Variants in MRPL1 observed in about 807,000 individuals in gnomAD.
The protein encoded by MRPL1 is large ribosomal subunit protein uL1m.
In MRPL1, 28 loss-of-function variants were observed where a neutral mutation model predicts 38.0. The observed-to-expected ratio is 0.74, with a 90% CI of 0.55 to 1.01. The LOEUF is 1.01. Ranked by LOEUF, MRPL1 falls within the 50% of genes least tolerant of loss-of-function variation. The pLI is 0.00. For synonymous variants in MRPL1, 123 were observed against 126.7 expected (o/e 0.97, Z 0.20); for missense variants, 358 against 389.8 (o/e 0.92, Z 0.69).
intron 8 of MRPL1, among the ~76,000 whole-genome samples, chr4:77,951,319 G>A (rs1010075323): frequency 8.5e-5 from 13 of 152,196 alleles, no homozygotes; most frequent in African/African-American, 2.7e-4. Context: ...TCCATCAAAT[G>A]TAAATATCAC....
chr4:77,912,736 A>G (rs1736318472), intron 7 of MRPL1, among the ~76,000 whole-genome samples: 1 of 152,174 alleles, frequency 6.6e-6, no homozygotes, highest in Non-Finnish European at 1.5e-5. Context: ...AAGTATCTAG[A>G]ATAGCTAAGA....
At chr4:77,948,789 A>C (rs1291691621) in intron 7 of MRPL1, among the ~76,000 whole-genome samples, 1 of 117,776 alleles carries the variant, frequency 8.5e-6, no homozygotes, top group Non-Finnish European at 1.7e-5. Context: ...TTTTTTTTTG[A>C]GACAGAGTTT....
Position 77,949,895 on chromosome 4 carries a change from G to A in MRPL1, c.859+17G>A, listed in dbSNP as rs756915514. 10 of 1,547,034 alleles carry A rather than the reference G, an allele frequency of 6.5e-6. No homozygotes were observed. The East Asian group carries it at 2.3e-4, about 35-fold the overall frequency. ...TGAATTTGGGTAAGTGGTTTGCTGA[G>A]GGTAGACTTCCCTATGACCCTGTGA... On this transcript the variant is annotated intron_variant, in intron 8 of 8. Transcript: ENST00000315567.
Position 77,883,508 on chromosome 4 carries a change from G to C in MRPL1, c.402+8G>C, listed in dbSNP as rs542508960. On this transcript the variant is annotated splice_region_variant and intron_variant, in intron 3 of 8. Transcript: ENST00000315567. ...ATGGCACTGGGAAAGAAGGTATGTAGAGTCCATTAAAATAAGTTTACCTGT... is the reference window on the plus strand; with the variant it reads ...ATGGCACTGGGAAAGAAGGTATGTACAGTCCATTAAAATAAGTTTACCTGT... 13 of 1,587,052 alleles carry C rather than the reference G, an allele frequency of 8.2e-6. No homozygotes were observed. In the South Asian group the frequency reaches 1.4e-4, roughly 17 times the overall value.
chr4:77,871,306 C>T (rs1269998568), intron 1 of MRPL1, among the ~76,000 whole-genome samples: 1 of 143,456 alleles, frequency 7.0e-6, no homozygotes, highest in Non-Finnish European at 1.5e-5. Flanking sequence ...TCTATTATTA[C>T]ACTTTTTTTT....
chr4:77,877,692 T>C (rs1735431154), intron 2 of MRPL1, among the ~76,000 whole-genome samples: 1 of 151,562 alleles, frequency 6.6e-6, no homozygotes. Flanking sequence ...CTGTTCCTTC[T>C]CTTCATGGCA....
intron 7 of MRPL1, among the ~76,000 whole-genome samples, chr4:77,910,743 T>C (rs1479412800): frequency 6.6e-6 from 1 of 152,196 alleles, no homozygotes. Context: ...GCTAGTTTTA[T>C]GGTCAAAAAA....
At chr4:77,904,039 A>T (rs1313239411) in intron 6 of MRPL1, among the ~76,000 whole-genome samples, 1 of 151,782 alleles carries the variant, frequency 6.6e-6, no homozygotes, top group African/African-American at 2.4e-5. Flanking sequence ...TGAGTTCAGG[A>T]ATTCAAGACC....
chr4:77,885,961 T>C (rs551918476), intron 4 of MRPL1, among the ~76,000 whole-genome samples: 1 of 152,340 alleles, frequency 6.6e-6, no homozygotes, highest in East Asian at 1.9e-4. Flanking sequence ...TTCAAACTTC[T>C]CTCCCCAGAC....
At chr4:77,876,293 TA>T (rs1735396507) in intron 2 of MRPL1, among the ~76,000 whole-genome samples, 1 of 152,196 alleles carries the variant, frequency 6.6e-6, no homozygotes, top group Non-Finnish European at 1.5e-5. Context: ...ATTTCTGGCT[TA>T]TGCCTTTTGC....
Position 77,941,236 on chromosome 4 carries a change from G to C in MRPL1, c.778-8561G>C, listed in dbSNP as rs547898758. Among the ~76,000 whole-genome samples, 15 of 150,704 alleles carry C rather than the reference G, an allele frequency of 1.0e-4. No homozygotes were observed. The South Asian group carries it at 3.1e-3, about 31-fold the overall frequency. ...TCCAGGATCACGCAATTGCACTCCA[G>C]TCTTGGTAAAAAGAGCAAAACTCTG... On this transcript the variant is annotated intron_variant, in intron 7 of 8. Transcript: ENST00000315567.
At chr4:77,924,533 G>A (rs760474493) in intron 7 of MRPL1, among the ~76,000 whole-genome samples, 1 of 151,916 alleles carries the variant, frequency 6.6e-6, no homozygotes, top group East Asian at 1.9e-4. Flanking sequence ...CCCCCACCTT[G>A]AGACCCCTTC....
chr4:77,904,114 GC>G (rs1736100505), intron 6 of MRPL1, among the ~76,000 whole-genome samples: 2 of 151,660 alleles, frequency 1.3e-5, no homozygotes, highest in South Asian at 4.2e-4. Context: ...GGGTGTGGTG[GC>G]ATGTGCCTGG....
intron 7 of MRPL1, among the ~76,000 whole-genome samples, chr4:77,933,759 A>C (rs187561348): frequency 3.3e-5 from 5 of 152,360 alleles, no homozygotes; most frequent in Admixed American, 2.0e-4. Flanking sequence ...ACTCTCATAC[A>C]TTTCAAGTAG....
In MRPL1 at chr4:77,871,799, T is replaced by A. The variant is rs750640154; in HGVS notation, c.87T>A (p.Leu29=). 2.2e-5 allele frequency: 36 copies of A among 1,602,064 alleles called. No individual in the cohort carries two copies. Among genetic ancestry groups the A allele is most frequent in the Middle Eastern group, 1.6e-4 (1 of 6,066 alleles). ...CCAAGATGGTTTATCAGACATCACT[T>A]TGTTCTTGTTCTGTAAACATCCGAG... is the stretch of plus-strand genomic sequence containing the variant. ...SLSKMVYQTS[L]CSCSVNIRVP... is the part of the protein sequence containing the mutation. Residue 29 remains leucine, a synonymous_variant, in exon 2 of 9, where the codon CTT becomes CTA. Transcript: ENST00000315567.
intron 7 of MRPL1, among the ~76,000 whole-genome samples, chr4:77,946,321 C>G (rs1334097601): frequency 6.6e-6 from 1 of 151,360 alleles, no homozygotes. Flanking sequence ...TCCCTAAAAT[C>G]GCTGTTATTC....
At chr4:77,906,569 G>A (rs1359535885) in intron 6 of MRPL1, among the ~76,000 whole-genome samples, 5 of 152,136 alleles carry the variant, frequency 3.3e-5, no homozygotes, top group African/African-American at 1.2e-4. Context: ...TAGAAGTGGG[G>A]CTGAGCACAG....
At chr4:77,905,919 C>G (rs753295152) in intron 6 of MRPL1, among the ~76,000 whole-genome samples, 1 of 152,148 alleles carries the variant, frequency 6.6e-6, no homozygotes, top group Non-Finnish European at 1.5e-5. Flanking sequence ...ATATTTACTC[C>G]TTACTAATAA....
At chr4:77,913,990 T>TA (rs1319929317) in intron 7 of MRPL1, among the ~76,000 whole-genome samples, 1 of 152,170 alleles carries the variant, frequency 6.6e-6, no homozygotes, top group African/African-American at 2.4e-5. Flanking sequence ...AAGGAAGAAT[T>TA]ACAAAGGCAC....
Sources: gnomAD v4.1 joint callset for allele counts (sites outside exome capture counted in the v4.1 genomes callset) on GRCh38, gnomAD v4.1.1 for gene constraint, MANE v1.5 for transcripts, NCBI Gene and HGNC (gene_info 2026-07-23, HGNC 2026-07-21) for gene names.